Variants in TAT observed in about 807,000 individuals in gnomAD.
TAT encodes L-tyrosine:2-oxoglutarate aminotransferase.
In TAT, 35 loss-of-function variants were observed where a neutral mutation model predicts 53.6. The ratio of observed to expected loss-of-function variants is 0.65; its 90% CI spans 0.50 to 0.87. TAT has a LOEUF of 0.87. Ranked by LOEUF, TAT falls within the 40% of genes least tolerant of loss-of-function variation. The probability of loss-of-function intolerance (pLI) is 0.00; values close to 1 mark genes in which losing one functional copy is unlikely to be tolerated. For missense variants in TAT, 525 were observed against 571.8 expected (o/e 0.92, Z 0.83); for synonymous variants, 197 against 206.5 (o/e 0.95, Z 0.39).
At chr16:71,569,168 C>T (rs1382118088) in intron 10 of TAT, among the ~76,000 whole-genome samples, 1 of 152,088 alleles carries the variant, frequency 6.6e-6, no homozygotes, top group South Asian at 2.1e-4. Context: ...ATGGCAGCCC[C>T]TAGTCATTCT....
chr16:71,573,059 C>A (rs1229186304), intron 4 of TAT, among the ~76,000 whole-genome samples: 1 of 152,188 alleles, frequency 6.6e-6, no homozygotes, highest in African/African-American at 2.4e-5. Flanking sequence ...TGACCCCACA[C>A]AGTAGACTAT....
intron 3 of TAT, among the ~76,000 whole-genome samples, chr16:71,574,581 C>CA (rs71389677): frequency 0.18 from 14,082 of 78,886 alleles, 1,393 homozygotes; most frequent in African/African-American, 0.23. Context: ...AACTTCGTCT[C>CA]AAAAAAAAAA....
At chr16:71,572,819 T>A in intron 4 of TAT, 131 bp from the exon 5 acceptor site, 1 of 996,438 alleles carries the variant, frequency 1.0e-6, no homozygotes, top group Non-Finnish European at 1.5e-6. Context: ...GGAAATGTAC[T>A]AAGCCAAAAC....
In TAT at chr16:71,568,756, C is replaced by T. The variant is rs760896128; in HGVS notation, c.1179G>A (p.Thr393=). The T allele has an allele frequency of 5.0e-6, 8 of 1,613,928 alleles. No homozygotes were observed. The highest frequency in any genetic ancestry group is 6.8e-6 in the Non-Finnish European group (8 of 1,180,016). ...FPEFENDVEF[T]ERLVAEQSVH... ...CAGACTGCTCAGCAACTAACCGCTC[C>T]GTGAACTCCACATCGTTCTCAAATT... Residue 393 remains threonine, a synonymous_variant, in exon 11 of 12, where the codon ACG becomes ACA. Coordinates refer to ENST00000355962, the MANE Select transcript of TAT (RefSeq NM_000353.3).
rs779543537 is a variant in TAT, at chr16:71,568,795, C to T, written c.1140G>A (p.Met380Ile). The change falls in exon 11 of 12, where the codon ATG becomes ATA. Residue 380 changes from methionine to isoleucine, a missense_variant. By Grantham distance (10) the Met-to-Ile change is conservative (BLOSUM62 1). Coordinates refer to ENST00000355962, the MANE Select transcript of TAT (RefSeq NM_000353.3). ...CGTTCTCAAATTCTGGGAAATGTTCCATCTCAATTCCAACCTATACCAACA... is the reference window on the plus strand; with the variant it reads ...CGTTCTCAAATTCTGGGAAATGTTCTATCTCAATTCCAACCTATACCAACA... The part of the protein sequence containing the change: ...GAMYLMVGIE[M>I]EHFPEFENDV... 5 of 1,613,754 alleles carry T rather than the reference C, an allele frequency of 3.1e-6. No homozygotes were observed. In the Admixed American group the frequency reaches 8.3e-5, roughly 27 times the overall value.
chr16:71,574,363 C>CT (rs1455787627), intron 3 of TAT, among the ~76,000 whole-genome samples: 1 of 151,930 alleles, frequency 6.6e-6, no homozygotes, highest in Non-Finnish European at 1.5e-5. Flanking sequence ...GGTGGATCAC[C>CT]TGAGGTCGGG....
Position 71,570,715 on chromosome 16 carries a change from G to T in TAT, c.876C>A (p.Ile292=). ...AAATGTCTCTTCGGTCATGAATGAGGATCCAGCCCAACCTCCAGCCAGGAA... is the reference window on the plus strand; with the variant it reads ...AAATGTCTCTTCGGTCATGAATGAGTATCCAGCCCAACCTCCAGCCAGGAA... ...WLVPGWRLGW[I]LIHDRRDIFG... The change falls in exon 8 of 12, where the codon ATC becomes ATA. Residue 292 remains isoleucine, a synonymous_variant. Coordinates refer to ENST00000355962, the MANE Select transcript of TAT (RefSeq NM_000353.3). 6.2e-7 allele frequency: 1 copy of T among 1,614,134 alleles called. No individual in the cohort carries two copies. Among genetic ancestry groups the T allele is most frequent in the Non-Finnish European group, 8.5e-7 (1 of 1,180,040 alleles).
At position 71,568,004 on chromosome 16, in the gene TAT, A is replaced by G; in HGVS notation, c.*140T>C. On this transcript the variant is annotated 3_prime_UTR_variant, in exon 12 of 12. Coordinates refer to ENST00000355962, the MANE Select transcript of TAT (RefSeq NM_000353.3). ...TGTGGGTGTGGTTGTACTTGGGGAA[A>G]AGCAGGAACAATCTTGAACCCTTGA... 2.0e-6 allele frequency: 2 copies of G among 983,672 alleles called. No homozygotes were observed. The highest frequency in any genetic ancestry group is 3.2e-6 in the Non-Finnish European group (2 of 632,742). The allele number at this position is 983,672 out of a possible 1,614,324, so 60.9% of individuals were successfully genotyped here.
In TAT at chr16:71,576,180, C is replaced by T. The variant is rs748924248; in HGVS notation, c.235+1G>A. On this transcript the variant is annotated splice_donor_variant, in intron 2 of 11. Coordinates refer to ENST00000355962, the MANE Select transcript of TAT (RefSeq NM_000353.3). LOFTEE classifies it high-confidence loss of function. ...GCCCCTCAGTAGTGTCCCCAACTCA[C>T]CAATGGACAGGGAAATCATGGTTTT... 2.5e-6 allele frequency: 4 copies of T among 1,613,762 alleles called. No homozygotes were observed. In the Admixed American group the frequency reaches 5.0e-5, roughly 20 times the overall value.
At chr16:71,573,391 A>G (rs1288514401) in intron 4 of TAT, 148 bp downstream of exon 4, 2 of 740,412 alleles carry the variant, frequency 2.7e-6, no homozygotes, top group African/African-American at 3.5e-5. Context: ...AGTGACCCCA[A>G]CTATATGAGA....
Position 71,570,735 on chromosome 16 carries a change from C to G in TAT, c.856G>C (p.Gly286Arg). 3 of 1,614,202 alleles carry G rather than the reference C, an allele frequency of 1.9e-6. No homozygotes were observed. The highest frequency in any genetic ancestry group is 2.5e-6 in the Non-Finnish European group (3 of 1,180,040). ...GGLAKRWLVP[G>R]WRLGWILIHD... The stretch of plus-strand genomic sequence containing the variant: ...ATGAGGATCCAGCCCAACCTCCAGC[C>G]AGGAACCAGCCAGCGCTTGGCCAGC... Residue 286 changes from glycine (G) to arginine (R), a missense_variant, in exon 8 of 12, where the codon GGC (glycine) becomes CGC (arginine). Coordinates refer to ENST00000355962, the MANE Select transcript of TAT (RefSeq NM_000353.3).
chr16:71,574,505 C>T (rs34753286), intron 3 of TAT, among the ~76,000 whole-genome samples: 16,430 of 145,212 alleles, frequency 0.11, 1,067 homozygotes, highest in Middle Eastern at 0.25. Flanking sequence ...CACTTGAACC[C>T]GGGAGGCGGA....
chr16:71,572,401 AT>A, intron 5 of TAT, 77 bp from the exon 6 acceptor site: 1 of 1,607,060 alleles, frequency 6.2e-7, no homozygotes, highest in East Asian at 2.2e-5. Context: ...CAAGGGTCCA[AT>A]GTAAGCAATA....
At chr16:71,571,459 G>C in intron 7 of TAT, 147 bp downstream of exon 7, 1 of 723,876 alleles carries the variant, frequency 1.4e-6, no homozygotes, top group Non-Finnish European at 2.3e-6. Context: ...TGGCTAAGGA[G>C]TTGTGGGTCT....
At chr16:71,575,733 T>C (rs113590395) in intron 3 of TAT, 189 bp downstream of exon 3, 16 of 653,502 alleles carry the variant, frequency 2.4e-5, no homozygotes, top group African/African-American at 2.3e-4. Context: ...AGGAAAGAAG[T>C]TGGACCTTGA....
chr16:71,568,631 T>C (rs2044180093), intron 11 of TAT, 80 bp downstream of exon 11: 1 of 1,064,806 alleles, frequency 9.4e-7, no homozygotes, highest in Non-Finnish European at 1.4e-6. Context: ...GGAGAAAAGA[T>C]CAGGCTAAAA....
chr16:71,567,331 C>G lies in TAT; in HGVS notation c.*813G>C, dbSNP rs182924845. 7.4e-3 allele frequency: 1,128 copies of G among 152,462 alleles called. 7 individuals are homozygous for G. The highest frequency in any genetic ancestry group is 0.011 in the Non-Finnish European group (757 of 68,194). 9.4% of individuals were successfully genotyped at this position (152,462 alleles called of 1,614,324 possible). On this transcript the variant is annotated 3_prime_UTR_variant, in exon 12 of 12. Coordinates refer to ENST00000355962, the MANE Select transcript of TAT (RefSeq NM_000353.3). The stretch of plus-strand genomic sequence containing the variant: ...GGTTGAGGCAAGAGAATCGCTTGAA[C>G]CCAGGAGGTGGAGGTTGCAGTGAGC...
intron 9 of TAT, 57 bp downstream of exon 9, chr16:71,570,212 C>T (rs750827441): frequency 1.4e-4 from 228 of 1,613,108 alleles, no homozygotes; most frequent in Non-Finnish European, 1.7e-4. Flanking sequence ...CCTAATTCCA[C>T]GGGCGGCATT....
chr16:71,576,567 G>A (rs1189574924), intron 1 of TAT, 140 bp from the exon 2 acceptor site: 4 of 766,004 alleles, frequency 5.2e-6, no homozygotes, highest in Non-Finnish European at 4.3e-6. Flanking sequence ...TCTACTTTCT[G>A]TTGTAAAGTA....
Sources: allele counts gnomAD v4.1 joint callset (sites outside exome capture counted in the v4.1 genomes callset), GRCh38; gene constraint gnomAD v4.1.1; transcripts MANE v1.5; gene names NCBI Gene and HGNC (gene_info 2026-07-23, HGNC 2026-07-21).